The following CCDC57 variants were observed in gnomAD, a reference collection of about 807,000 sequenced individuals.
CCDC57 encodes the protein coiled-coil domain-containing protein 57.
CCDC57 carries 118 observed loss-of-function variants against 118.9 expected under a neutral mutation model. The observed-to-expected ratio is 0.99, with a 90% CI of 0.86 to 1.16. CCDC57 has a LOEUF of 1.16. CCDC57 is among the 50% of genes most tolerant of loss of function. The probability of loss-of-function intolerance (pLI) is 0.00; values close to 1 mark genes in which losing one functional copy is unlikely to be tolerated. For synonymous variants in CCDC57, 527 were observed against 532.9 expected, an observed-to-expected ratio of 0.99 and a Z score of 0.15; for missense variants, 1,300 against 1,320.7, an observed-to-expected ratio of 0.98 and a Z score of 0.24.
chr17:82,183,463 G>T (rs2146495812), intron 9 of CCDC57, among the ~76,000 whole-genome samples: 1 of 152,160 alleles, frequency 6.6e-6, no homozygotes, highest in East Asian at 1.9e-4. Context: ...GGGATTATAG[G>T]TGTGAGCCAC....
chr17:82,181,550 A>T (rs1293578859), intron 9 of CCDC57, among the ~76,000 whole-genome samples: 3 of 152,268 alleles, frequency 2.0e-5, no homozygotes, highest in Non-Finnish European at 2.9e-5. Flanking sequence ...CATCCAGTGA[A>T]AACTTACCAG....
intron 13 of CCDC57, among the ~76,000 whole-genome samples, chr17:82,170,507 CAA>C (rs35462707): frequency 7.1e-5 from 7 of 99,182 alleles, no homozygotes; most frequent in Middle Eastern, 6.3e-3. Context: ...GACTCTGTCC[CAA>C]AAAAAAAAAA....
At chr17:82,107,174 C>T (rs2034913441) in intron 19 of CCDC57, among the ~76,000 whole-genome samples, 1 of 152,274 alleles carries the variant, frequency 6.6e-6, no homozygotes, top group Admixed American at 6.5e-5. Flanking sequence ...CCAAAGGCCT[C>T]TCCCCACTCC....
At chr17:82,196,337 C>T (rs1006278663) in intron 4 of CCDC57, among the ~76,000 whole-genome samples, 8 of 152,228 alleles carry the variant, frequency 5.3e-5, no homozygotes, top group Non-Finnish European at 1.2e-4. Context: ...TGTTCTCAAA[C>T]TCATCCATAA....
At chr17:82,124,574 C>G (rs2145181589) in intron 19 of CCDC57, among the ~76,000 whole-genome samples, 3 of 152,256 alleles carry the variant, frequency 2.0e-5, no homozygotes, top group East Asian at 3.9e-4. Context: ...GGGAGGATCA[C>G]TTGAGCCCAG....
chr17:82,151,168 C>A (rs1169867178), intron 16 of CCDC57, among the ~76,000 whole-genome samples: 1 of 139,720 alleles, frequency 7.2e-6, no homozygotes, highest in African/African-American at 2.7e-5. Flanking sequence ...CAGGCGCACA[C>A]CCAGAACCAG....
At chr17:82,152,855 A>G (rs941870583) in intron 15 of CCDC57, among the ~76,000 whole-genome samples, 1 of 152,208 alleles carries the variant, frequency 6.6e-6, no homozygotes, top group Non-Finnish European at 1.5e-5. Flanking sequence ...CACTGTATGC[A>G]GTGCCTCCGG....
rs1316534222 is a variant in CCDC57, at chr17:82,118,607, C to T, written c.2899+9085G>A. Among the ~76,000 whole-genome samples, 3 of 151,936 alleles carry T rather than the reference C, an allele frequency of 2.0e-5. No individual in the cohort carries two copies. The highest frequency in any genetic ancestry group is 7.3e-5 in the African/African-American group (3 of 41,374). On this transcript the variant is annotated intron_variant, in intron 19 of 19. Transcript: ENST00000665763. The surrounding 1 kb of genome is among the most constrained non-coding windows in gnomAD (Gnocchi z 4.7). ...TGCACTCTAGGGAGGTGGAGGCAGG[C>T]CTGCTGCAGGGGGTCGGCTTCAGAA... is the stretch of plus-strand genomic sequence containing the variant.
chr17:82,151,582 A>C, exon 16 of CCDC57: 1 of 1,550,304 alleles, frequency 6.5e-7, no homozygotes, highest in East Asian at 2.4e-5. Context: ...CCAGCTCTGC[A>C]CGGAGCCTGT....
In CCDC57 at chr17:82,120,826, G is replaced by A. The variant is rs192143953; in HGVS notation, c.2899+6866C>T. 1.9e-3 allele frequency among the ~76,000 whole-genome samples: 286 copies of A among 152,160 alleles called. 1 individual carries two copies. The highest frequency in any genetic ancestry group is 6.6e-3 in the African/African-American group (274 of 41,510). On this transcript the variant is annotated intron_variant, in intron 19 of 19. Transcript: ENST00000665763. ...GCTGGAGTGCAGTGGTGCAACCTCG[G>A]CTCACTGCAAGCTCCGCCTCTCGGG...
intron 13 of CCDC57, among the ~76,000 whole-genome samples, chr17:82,170,582 GGGGGAGAGTCCACATGAGCACGCA>G (rs1366410712): frequency 6.6e-6 from 1 of 151,576 alleles, no homozygotes; most frequent in Non-Finnish European, 1.5e-5. Context: ...TGAGCACGCA[GGGGGAGAGTCCACATGAGCACGCA>G]GGGGAGAGGG....
At chr17:82,134,332 G>A in intron 16 of CCDC57, 138 bp from the exon 16 acceptor site, 1 of 823,068 alleles carries the variant, frequency 1.2e-6, no homozygotes, top group Non-Finnish European at 1.6e-6. Flanking sequence ...AGAACTTGGG[G>A]AGGGCCGGAC....
intron 15 of CCDC57, chr17:82,157,025 A>C (rs952870145): frequency 6.5e-6 from 1 of 152,812 alleles, no homozygotes; most frequent in Non-Finnish European, 1.5e-5. Context: ...GTCATAGGTC[A>C]CTACAGTTAT....
At chr17:82,126,484 A>G (rs963932822) in intron 19 of CCDC57, 36 of 975,134 alleles carry the variant, frequency 3.7e-5, no homozygotes, top group Non-Finnish European at 4.4e-5. Context: ...AAAGACCACA[A>G]TCTAATACAC....
intron 16 of CCDC57, among the ~76,000 whole-genome samples, chr17:82,139,647 C>T (rs186309504): frequency 7.3e-5 from 10 of 137,414 alleles, no homozygotes; most frequent in African/African-American, 1.0e-4. Context: ...TAAGCCACCA[C>T]GCCCAGCCCC....
intron 19 of CCDC57, chr17:82,112,255 T>C (rs2035320111): frequency 6.6e-6 from 1 of 152,348 alleles, no homozygotes; most frequent in Non-Finnish European, 1.5e-5. Context: ...ATTACAGGCG[T>C]GAGCCGCCAT....
intron 9 of CCDC57, among the ~76,000 whole-genome samples, chr17:82,180,092 A>G (rs1382275843): frequency 6.6e-6 from 1 of 152,104 alleles, no homozygotes; most frequent in African/African-American, 2.4e-5. Context: ...GCACCGGTAA[A>G]CTTCAGGGAG....
At chr17:82,121,299 T>A (rs975423840) in intron 19 of CCDC57, among the ~76,000 whole-genome samples, 1 of 152,218 alleles carries the variant, frequency 6.6e-6, no homozygotes, top group Admixed American at 6.5e-5. Context: ...AGGGCCTGCA[T>A]CTGGCCACCT....
At chr17:82,139,964 C>T (rs573953957) in intron 16 of CCDC57, among the ~76,000 whole-genome samples, 22 of 152,302 alleles carry the variant, frequency 1.4e-4, no homozygotes, top group Non-Finnish European at 2.5e-4. Flanking sequence ...TTTTAATGTT[C>T]TACTTTCTGG....
Sources: gnomAD v4.1 joint callset for allele counts (sites outside exome capture counted in the v4.1 genomes callset) on GRCh38, gnomAD v4.1.1 for gene constraint, Gnocchi (gnomAD v3.1) non-coding constraint, MANE v1.5 for transcripts, NCBI Gene and HGNC (gene_info 2026-07-23, HGNC 2026-07-21) for gene names.